Variants in PGAP2 observed in about 807,000 individuals in gnomAD.
PGAP2 encodes acyltransferase PGAP2.
In PGAP2, 21 loss-of-function variants were observed where a neutral mutation model predicts 33.2. The ratio of observed to expected loss-of-function variants is 0.63; its 90% CI spans 0.45 to 0.91. The LOEUF is 0.91. Ranked by LOEUF, PGAP2 falls within the 40% of genes least tolerant of loss-of-function variation. The probability of loss-of-function intolerance (pLI) is 0.00; values close to 1 mark genes in which losing one functional copy is unlikely to be tolerated. For missense variants in PGAP2, 345 were observed against 424.0 expected (o/e 0.81, Z 1.64); for synonymous variants, 161 against 172.9 (o/e 0.93, Z 0.54).
chr11:3,824,516 G>C, intron 5 of PGAP2, 140 bp downstream of exon 5: 1 of 1,321,424 alleles, frequency 7.6e-7, no homozygotes, highest in Non-Finnish European at 1.1e-6. Flanking sequence ...GTTGGGGCTG[G>C]GGCTTGGGAA....
At chr11:3,813,141 T>C (rs2085968088) in intron 2 of PGAP2, among the ~76,000 whole-genome samples, 1 of 152,194 alleles carries the variant, frequency 6.6e-6, no homozygotes, top group African/African-American at 2.4e-5. Context: ...TCACATCATA[T>C]TTGTGTCTGT....
At chr11:3,817,692 G>T (rs761083822) in intron 3 of PGAP2, 157 bp downstream of exon 3, 7 of 708,714 alleles carry the variant, frequency 9.9e-6, no homozygotes, top group African/African-American at 3.5e-5. Flanking sequence ...GATAATTCAT[G>T]GGGGGAGACT....
chr11:3,819,502 G>A (rs937462384), intron 3 of PGAP2, among the ~76,000 whole-genome samples: 2 of 151,912 alleles, frequency 1.3e-5, no homozygotes, highest in Admixed American at 6.6e-5. Flanking sequence ...GGGACAGTAC[G>A]GTAGCTAGAG....
At chr11:3,798,481 C>T (rs2082903875) in intron 1 of PGAP2, among the ~76,000 whole-genome samples, 1 of 152,098 alleles carries the variant, frequency 6.6e-6, no homozygotes, top group Non-Finnish European at 1.5e-5. Flanking sequence ...AGGCGTCCGC[C>T]ACCAGGCCCA....
At chr11:3,821,234 C>T (rs1565042255) in intron 3 of PGAP2, among the ~76,000 whole-genome samples, 1 of 152,102 alleles carries the variant, frequency 6.6e-6, no homozygotes, top group South Asian at 2.1e-4. Context: ...TATGAGCCGC[C>T]TGCAGCATTG....
At chr11:3,802,617 T>C (rs564608346) in intron 1 of PGAP2, among the ~76,000 whole-genome samples, 1 of 152,082 alleles carries the variant, frequency 6.6e-6, no homozygotes, top group South Asian at 2.1e-4. Context: ...CTGTGAAGGA[T>C]TGGTGGTTAG....
At chr11:3,804,605 T>TCTAAATA (rs2084007496), upstream of PGAP2, among the ~76,000 whole-genome samples, 1 of 152,202 alleles carries the variant, frequency 6.6e-6, no homozygotes, top group Admixed American at 6.5e-5. Context: ...TGCTTACCTG[T>TCTAAATA]CTAAATACTG....
chr11:3,824,716 G>T, intron 5 of PGAP2: 6 of 1,087,682 alleles, frequency 5.5e-6, no homozygotes, highest in Non-Finnish European at 7.6e-6. Flanking sequence ...CCATGTACAT[G>T]GGTTTCTTTT....
chr11:3,813,297 C>T (rs544823974), intron 2 of PGAP2, among the ~76,000 whole-genome samples: 2 of 152,230 alleles, frequency 1.3e-5, no homozygotes, highest in Middle Eastern at 3.4e-3. Context: ...CTCACTGCAG[C>T]CTCAAACTCC....
At position 3,824,155 on chromosome 11, in the gene PGAP2, AG is replaced by A; in HGVS notation, c.601+22del. Reference sequence around the variant, plus strand: ...ACTTCAGTGGGTGCCTGGATGAGGGAGGAGTGGGGAAGTGTTCCCTGAGGGG... The same window carrying A: ...ACTTCAGTGGGTGCCTGGATGAGGGAGAGTGGGGAAGTGTTCCCTGAGGGG... On this transcript the variant is annotated intron_variant, in intron 4 of 6. Coordinates refer to ENST00000278243, the MANE Select transcript of PGAP2 (RefSeq NM_014489.4). The A allele has an allele frequency of 1.2e-6, 2 of 1,613,518 alleles. No individual in the cohort carries two copies. The highest frequency in any genetic ancestry group is 1.7e-6 in the Non-Finnish European group (2 of 1,179,634).
At chr11:3,815,959 C>A (rs1203234790) in intron 2 of PGAP2, among the ~76,000 whole-genome samples, 1 of 152,190 alleles carries the variant, frequency 6.6e-6, no homozygotes, top group Non-Finnish European at 1.5e-5. Context: ...TATTGGAAAC[C>A]TGCCTATGAC....
intron 3 of PGAP2, among the ~76,000 whole-genome samples, chr11:3,819,478 T>C (rs1486232119): frequency 6.6e-6 from 1 of 151,722 alleles, no homozygotes; most frequent in Admixed American, 6.6e-5. Flanking sequence ...TTTTGTGCAG[T>C]TGGCATGGGG....
chr11:3,797,752 G>C (rs932030773), upstream of PGAP2: 1 of 1,449,274 alleles, frequency 6.9e-7, no homozygotes, highest in South Asian at 1.3e-5. Context: ...GGGTAGGAGC[G>C]GTGAGAGGGC....
chr11:3,825,126 G>A lies in PGAP2; in HGVS notation c.815G>A (p.Gly272Glu). ...CGGCACAACATGTATTGTGAGGCTGGAGGTGAGGCCAGGATAGGATCCACA... is the reference window on the plus strand; with the variant it reads ...CGGCACAACATGTATTGTGAGGCTGAAGGTGAGGCCAGGATAGGATCCACA... The part of the protein sequence containing the change: ...YFRHNMYCEA[G>E]VYTIFAILEY... Residue 272 changes from glycine to glutamate, a missense_variant and splice_region_variant, in exon 6 of 7, where the codon GGA becomes GAA. By Grantham distance (98) the Gly-to-Glu change is moderately conservative. This residue lies in a region of PGAP2 where 311 missense variants were observed against 353.6 expected (regional missense o/e 0.88). Transcript: ENST00000278243. 6.2e-7 allele frequency: 1 copy of A among 1,614,160 alleles called. No homozygotes were observed. The highest frequency in any genetic ancestry group is 1.1e-5 in the South Asian group (1 of 91,080).
intron 1 of PGAP2, among the ~76,000 whole-genome samples, chr11:3,799,143 T>G (rs2083078576): frequency 6.6e-6 from 1 of 152,226 alleles, no homozygotes; most frequent in Non-Finnish European, 1.5e-5. Flanking sequence ...CCTAGCCCAT[T>G]AGCAGAAAAC....
At chr11:3,824,474 T>C (rs766464370) in intron 5 of PGAP2, 98 bp downstream of exon 5, 2 of 1,590,070 alleles carry the variant, frequency 1.3e-6, no homozygotes, top group Admixed American at 3.5e-5. Flanking sequence ...GGAACTGAGT[T>C]CTAATGGGAA....
chr11:3,825,929 G>C lies in PGAP2; in HGVS notation c.*471G>C, dbSNP rs2089956966. The C allele has an allele frequency of 6.2e-6, 1 of 161,110 alleles. No individual in the cohort carries two copies. The highest frequency in any genetic ancestry group is 1.4e-5 in the Non-Finnish European group (1 of 72,614). The allele number at this position is 161,110 out of a possible 1,614,324, so 10.0% of individuals were successfully genotyped here. On this transcript the variant is annotated 3_prime_UTR_variant, in exon 7 of 7. Coordinates refer to ENST00000278243, the MANE Select transcript of PGAP2 (RefSeq NM_014489.4). ...CCTGTGGCCACAGTCCCCTGCTAAAGTTGCTCAGGTGTTCTAGTCCTGACT... is the reference window on the plus strand; with the variant it reads ...CCTGTGGCCACAGTCCCCTGCTAAACTTGCTCAGGTGTTCTAGTCCTGACT...
At chr11:3,798,520 G>A (rs1259103084) in intron 1 of PGAP2, among the ~76,000 whole-genome samples, 1 of 152,054 alleles carries the variant, frequency 6.6e-6, no homozygotes, top group African/African-American at 2.4e-5. Flanking sequence ...AGTAGAGACG[G>A]GGATTTCACT....
intron 3 of PGAP2, among the ~76,000 whole-genome samples, chr11:3,820,947 A>T (rs1429352423): frequency 6.6e-6 from 1 of 152,234 alleles, no homozygotes; most frequent in Non-Finnish European, 1.5e-5. Context: ...TCACCCAGCT[A>T]ATAAAGGCAG....
Sources: gnomAD v4.1 joint callset for allele counts (sites outside exome capture counted in the v4.1 genomes callset) on GRCh38, gnomAD v4.1.1 for gene constraint, gnomAD v4.1.1 regional missense constraint, MANE v1.5 for transcripts, NCBI Gene and HGNC (gene_info 2026-07-23, HGNC 2026-07-21) for gene names.